The following CRYBG3 variants were observed in gnomAD, a reference collection of about 807,000 sequenced individuals.
The protein encoded by CRYBG3 is very large A-kinase anchor protein.
In CRYBG3, 127 loss-of-function variants were observed where a neutral mutation model predicts 244.2. The ratio of observed to expected loss-of-function variants is 0.52; its 90% confidence interval spans 0.45 to 0.60. The LOEUF is 0.60. CRYBG3 is among the 20% of genes least tolerant of loss of function. CRYBG3 has a pLI of 0.00. For synonymous variants in CRYBG3, 1,132 were observed against 1,195.8 expected (o/e 0.95, Z 1.10); for missense variants, 3,325 against 3,442.5 (o/e 0.97, Z 0.85).
At chr3:97,878,211 C>G (rs764653955) in intron 4 of CRYBG3, among the ~76,000 whole-genome samples, 174 bp downstream of exon 4, 4 of 152,050 alleles carry the variant, frequency 2.6e-5, no homozygotes, top group East Asian at 1.9e-4. Flanking sequence ...GAGTTCAAGA[C>G]CAGCCTGGCC....
intron 1 of CRYBG3, among the ~76,000 whole-genome samples, chr3:97,833,891 G>A (rs2038692365): frequency 6.6e-6 from 1 of 152,058 alleles, no homozygotes; most frequent in East Asian, 1.9e-4. Context: ...TCTGATGAGG[G>A]TGTCAAGCTG....
In CRYBG3 at chr3:97,873,152, G is replaced by T; in HGVS notation, c.1958G>T (p.Ser653Ile). The T allele has an allele frequency of 6.5e-7, 1 of 1,535,768 alleles. No homozygotes were observed. The highest frequency in any genetic ancestry group is 8.7e-7 in the Non-Finnish European group (1 of 1,146,722). Reference sequence around the variant, plus strand: ...CTTGACTGTAAAAAACTAAATTTCAGTATTTCACCTCCTACCTTTGTTTCT... The same window carrying T: ...CTTGACTGTAAAAAACTAAATTTCATTATTTCACCTCCTACCTTTGTTTCT... ...LSLDCKKLNF[S>I]ISPPTFVSGV... is the part of the protein sequence containing the mutation. The change falls in exon 4 of 22, where the codon AGT (serine) becomes ATT (isoleucine). Residue 653 changes from serine (S) to isoleucine (I), a missense_variant. Ser to Ile is a moderately radical substitution (Grantham distance 142). Coordinates refer to ENST00000389622, the MANE Select transcript of CRYBG3 (RefSeq NM_153605.4).
intron 18 of CRYBG3, among the ~76,000 whole-genome samples, chr3:97,935,113 T>G (rs1168405083): frequency 6.6e-6 from 1 of 152,094 alleles, no homozygotes; most frequent in Non-Finnish European, 1.5e-5. Context: ...ACAGCCAGCT[T>G]CCCTTAGTTA....
intron 1 of CRYBG3, among the ~76,000 whole-genome samples, chr3:97,831,417 A>G (rs1327708567): frequency 1.3e-5 from 2 of 152,152 alleles, no homozygotes; most frequent in Non-Finnish European, 2.9e-5. Context: ...AGAGAACAGA[A>G]CTTCATTCTG....
At chr3:97,899,412 TC>T (rs2039678201) in intron 14 of CRYBG3, 149 bp downstream of exon 14, 1 of 764,314 alleles carries the variant, frequency 1.3e-6, no homozygotes, top group East Asian at 2.7e-5. Flanking sequence ...TTCTATAGAC[TC>T]CATAGACAGT....
Position 97,873,397 on chromosome 3 carries a change from G to A in CRYBG3, c.2203G>A (p.Val735Ile). 5.2e-6 allele frequency: 8 copies of A among 1,535,810 alleles called. No individual in the cohort carries two copies. The highest frequency in any genetic ancestry group is 7.0e-6 in the Non-Finnish European group (8 of 1,146,804). The change falls in exon 4 of 22, where the codon GTT becomes ATT. Residue 735 changes from valine (V) to isoleucine (I), a missense_variant. Coordinates refer to ENST00000389622, the MANE Select transcript of CRYBG3 (RefSeq NM_153605.4). ...YTSAIFEFKE[V>I]LSNSEKCQVL... Reference sequence around the variant, plus strand: ...ATCTGCAATTTTTGAATTCAAAGAAGTTCTTTCTAATAGTGAAAAATGCCA... The same window carrying A: ...ATCTGCAATTTTTGAATTCAAAGAAATTCTTTCTAATAGTGAAAAATGCCA...
chr3:97,924,994 C>G (rs570903474), intron 17 of CRYBG3, among the ~76,000 whole-genome samples: 1 of 151,866 alleles, frequency 6.6e-6, no homozygotes, highest in African/African-American at 2.4e-5. Context: ...TTTAGTGTAC[C>G]GAATATAAGA....
chr3:97,904,648 A>T (rs2039744345), intron 15 of CRYBG3, among the ~76,000 whole-genome samples: 1 of 150,822 alleles, frequency 6.6e-6, no homozygotes, highest in Admixed American at 6.6e-5. Flanking sequence ...CTCTCTTCTC[A>T]TGCGGCTTTT....
chr3:97,864,164 C>A (rs1671476925), intron 2 of CRYBG3, 53 bp from the exon 3 acceptor site: 1 of 1,312,796 alleles, frequency 7.6e-7, no homozygotes, highest in Admixed American at 2.8e-5. Context: ...GCTTATCAGT[C>A]TGTTTCATTA....
At chr3:97,863,927 C>G (rs2039187461) in intron 2 of CRYBG3, among the ~76,000 whole-genome samples, 1 of 152,136 alleles carries the variant, frequency 6.6e-6, no homozygotes, top group African/African-American at 2.4e-5. Flanking sequence ...GAAGCATCCC[C>G]CAAGTTACCT....
At chr3:97,824,658 A>G (rs1439597150) in intron 1 of CRYBG3, among the ~76,000 whole-genome samples, 1 of 152,216 alleles carries the variant, frequency 6.6e-6, no homozygotes, top group Non-Finnish European at 1.5e-5. Flanking sequence ...CTTTGTCACA[A>G]TTAAAGAAGG....
At chr3:97,897,195 G>A (rs1328023905) in intron 12 of CRYBG3, among the ~76,000 whole-genome samples, 16 of 151,962 alleles carry the variant, frequency 1.1e-4, no homozygotes, top group Non-Finnish European at 4.4e-5. Flanking sequence ...ATGCAGCGGA[G>A]ACCATTGTTT....
intron 2 of CRYBG3, among the ~76,000 whole-genome samples, chr3:97,852,088 G>A (rs759203523): frequency 3.3e-5 from 5 of 152,190 alleles, no homozygotes; most frequent in Non-Finnish European, 7.3e-5. Context: ...GGAGATAGAT[G>A]TCTGGTTGGT....
intron 17 of CRYBG3, among the ~76,000 whole-genome samples, chr3:97,917,561 C>T (rs764926476): frequency 1.2e-4 from 18 of 152,006 alleles, no homozygotes; most frequent in Non-Finnish European, 2.2e-4. Flanking sequence ...TGCAAAGTGA[C>T]CATGAAGACA....
chr3:97,832,127 C>G (rs2038662063), intron 1 of CRYBG3, among the ~76,000 whole-genome samples: 1 of 151,046 alleles, frequency 6.6e-6, no homozygotes, highest in African/African-American at 2.4e-5. Context: ...AATGGCCATA[C>G]TGACCAAAGT....
At chr3:97,841,927 A>T (rs1376521099) in intron 1 of CRYBG3, among the ~76,000 whole-genome samples, 1 of 152,156 alleles carries the variant, frequency 6.6e-6, no homozygotes, top group Non-Finnish European at 1.5e-5. Context: ...GTTTTCAGAA[A>T]ATGCCCGATT....
chr3:97,882,140 C>A (rs1458267469), intron 7 of CRYBG3, among the ~76,000 whole-genome samples: 1 of 151,886 alleles, frequency 6.6e-6, no homozygotes, highest in African/African-American at 2.4e-5. Context: ...ACCTGGAGGG[C>A]AGAGGTTGCA....
chr3:97,881,862 C>CTATACACTA, intron 7 of CRYBG3, among the ~76,000 whole-genome samples: 2 of 151,908 alleles, frequency 1.3e-5, no homozygotes, highest in African/African-American at 4.8e-5. Context: ...TAATAGTATA[C>CTATACACTA]TACTATATTA....
Position 97,886,632 on chromosome 3 carries a change from A to T in CRYBG3, c.7154A>T (p.Asp2385Val). The T allele has an allele frequency of 6.3e-7, 1 of 1,596,972 alleles. No individual in the cohort carries two copies. Among genetic ancestry groups the T allele is most frequent in the Admixed American group, 1.8e-5 (1 of 55,696 alleles). Residue 2385 changes from aspartate (D) to valine (V), a missense_variant and splice_region_variant, in exon 8 of 22, where the codon GAC (aspartate) becomes GTC (valine). This residue lies in a region of CRYBG3 where 714 missense variants were observed against 803.6 expected (regional missense o/e 0.89). Transcript: ENST00000389622. ...ILGSLKRVLK[D>V]CSIPEIELFP... is the part of the protein sequence containing the mutation. ...AGCCAAATTATTTTTTTTTTTCAGGACTGCAGCATTCCAGAAATAGAGCTT... is the reference window on the plus strand; with the variant it reads ...AGCCAAATTATTTTTTTTTTTCAGGTCTGCAGCATTCCAGAAATAGAGCTT...
Sources: gnomAD v4.1 joint callset for allele counts (sites outside exome capture counted in the v4.1 genomes callset) on GRCh38, gnomAD v4.1.1 for gene constraint, gnomAD v4.1.1 regional missense constraint, MANE v1.5 for transcripts, NCBI Gene and HGNC (gene_info 2026-07-23, HGNC 2026-07-21) for gene names.